Variants in RBFOX1 observed in about 807,000 individuals in gnomAD.
RBFOX1 encodes RNA binding protein fox-1 homolog 1.
A neutral mutation model predicts 57.7 loss-of-function variants in RBFOX1; 8 were observed. That is an observed-to-expected ratio of 0.14 (90% CI 0.08 to 0.25). RBFOX1 has a LOEUF of 0.25. Ranked by LOEUF, RBFOX1 falls within the 10% of genes least tolerant of loss-of-function variation. The pLI, the probability that RBFOX1 is intolerant of heterozygous loss-of-function variation, is 1.00. For synonymous variants in RBFOX1, 326 were observed against 222.4 expected, an observed-to-expected ratio of 1.47 and a Z score of -4.15; for missense variants, 611 against 548.5, an observed-to-expected ratio of 1.11 and a Z score of -1.14.
intron 3 of RBFOX1, among the ~76,000 whole-genome samples, chr16:5,764,320 C>G (rs1052107533): frequency 6.6e-6 from 1 of 152,178 alleles, no homozygotes; most frequent in Non-Finnish European, 1.5e-5. Context: ...TACCAGAGGC[C>G]TTGAGTTTTC....
intron 4 of RBFOX1, among the ~76,000 whole-genome samples, chr16:7,352,314 C>G (rs2097143053): frequency 6.6e-6 from 1 of 152,178 alleles, no homozygotes; most frequent in African/African-American, 2.4e-5. Context: ...TGGCCCTGTC[C>G]TTCCACTCTG....
At chr16:7,054,656 A>G (rs2051479431) in intron 4 of RBFOX1, among the ~76,000 whole-genome samples, 1 of 151,994 alleles carries the variant, frequency 6.6e-6, no homozygotes, top group African/African-American at 2.4e-5. Flanking sequence ...TCTTAGAAAG[A>G]GAGTGGAAGA....
At chr16:7,000,596 C>CTGT (rs2092697032) in intron 3 of RBFOX1, among the ~76,000 whole-genome samples, 1 of 92,596 alleles carries the variant, frequency 1.1e-5, no homozygotes. Context: ...CTTTTTCTTT[C>CTGT]TTTTTTTTTT....
intron 14 of RBFOX1, among the ~76,000 whole-genome samples, chr16:7,701,416 C>T (rs2148158977): frequency 6.6e-6 from 1 of 152,306 alleles, no homozygotes. Context: ...CTCATGGGAG[C>T]ACCAACCCTA....
chr16:6,806,765 CTTTG>C (rs898528401), intron 3 of RBFOX1, among the ~76,000 whole-genome samples: 6 of 121,398 alleles, frequency 4.9e-5, no homozygotes, highest in African/African-American at 1.4e-4. Context: ...TCTATTTTTT[CTTTG>C]TTTCTTTTTC....
intron 5 of RBFOX1, among the ~76,000 whole-genome samples, chr16:7,571,321 C>T (rs956021110): frequency 6.6e-6 from 1 of 152,068 alleles, no homozygotes; most frequent in Non-Finnish European, 1.5e-5. Flanking sequence ...CAGAGGAAAC[C>T]CCAGGAGGGG....
At chr16:7,348,390 T>C (rs1300704851) in intron 4 of RBFOX1, among the ~76,000 whole-genome samples, 1 of 150,982 alleles carries the variant, frequency 6.6e-6, no homozygotes, top group Non-Finnish European at 1.5e-5. Context: ...TGAAATAAAA[T>C]TAATGAATTT....
At chr16:5,527,368 C>T (rs370842188) in intron 2 of RBFOX1, among the ~76,000 whole-genome samples, 5 of 152,326 alleles carry the variant, frequency 3.3e-5, no homozygotes, top group African/African-American at 4.8e-5. Flanking sequence ...ATACAGCGTC[C>T]TCCATGCTGT....
intron 3 of RBFOX1, among the ~76,000 whole-genome samples, chr16:6,786,344 A>C (rs912149447): frequency 1.8e-4 from 28 of 152,148 alleles, no homozygotes; most frequent in Non-Finnish European, 7.3e-5. Flanking sequence ...ATGTACCCCC[A>C]CAATGAGGAG....
intron 14 of RBFOX1, among the ~76,000 whole-genome samples, chr16:7,685,353 C>T (rs2075837596): frequency 6.6e-6 from 1 of 152,148 alleles, no homozygotes; most frequent in South Asian, 2.1e-4. Context: ...GTGACTTCTT[C>T]CCTCTCCTGG....
intron 2 of RBFOX1, among the ~76,000 whole-genome samples, chr16:5,492,130 T>C (rs1408644717): frequency 6.6e-6 from 1 of 152,160 alleles, no homozygotes; most frequent in Non-Finnish European, 1.5e-5. Flanking sequence ...CCTGGGAATC[T>C]GTGTTTCAGC....
chr16:5,306,710 C>A (rs776826003), intron 1 of RBFOX1, among the ~76,000 whole-genome samples: 2 of 152,186 alleles, frequency 1.3e-5, no homozygotes. Context: ...CGAGAGAGCA[C>A]GCCCATGCTG....
At chr16:5,724,588 A>T (rs550154553) in intron 3 of RBFOX1, among the ~76,000 whole-genome samples, 1 of 152,176 alleles carries the variant, frequency 6.6e-6, no homozygotes, top group African/African-American at 2.4e-5. Flanking sequence ...TGGTCTTGTC[A>T]TGAGGTTCAG....
intron 2 of RBFOX1, among the ~76,000 whole-genome samples, chr16:6,324,705 T>C (rs116778855): frequency 0.037 from 5,665 of 152,214 alleles, 346 homozygotes; most frequent in African/African-American, 0.13. Context: ...CCGTTCAACA[T>C]GAGATTTGGG....
At chr16:6,839,965 C>G (rs1278749101) in intron 3 of RBFOX1, among the ~76,000 whole-genome samples, 1 of 151,964 alleles carries the variant, frequency 6.6e-6, no homozygotes, top group Non-Finnish European at 1.5e-5. Context: ...TTCCTGTTTT[C>G]TTTTTAAAAT....
intron 2 of RBFOX1, among the ~76,000 whole-genome samples, chr16:6,590,147 T>C (rs369353076): frequency 2.6e-5 from 4 of 152,212 alleles, no homozygotes; most frequent in East Asian, 1.9e-4. Context: ...ATACTCAGAA[T>C]GGAGTATGGG....
chr16:6,634,197 G>T (rs953127810), intron 2 of RBFOX1, among the ~76,000 whole-genome samples: 1 of 152,108 alleles, frequency 6.6e-6, no homozygotes, highest in Non-Finnish European at 1.5e-5. Flanking sequence ...CAGTAAAGTT[G>T]CCTTCTGTTG....
intron 1 of RBFOX1, among the ~76,000 whole-genome samples, chr16:6,146,874 G>A (rs1023393977): frequency 2.6e-5 from 4 of 152,144 alleles, no homozygotes; most frequent in African/African-American, 9.7e-5. Flanking sequence ...AAAACTGTTA[G>A]TATCTGAGAG....
chr16:6,863,593 G>A (rs1263553842), intron 3 of RBFOX1, among the ~76,000 whole-genome samples: 6 of 147,518 alleles, frequency 4.1e-5, no homozygotes, highest in African/African-American at 7.5e-5. Context: ...GTTCCTGGAC[G>A]CCATTTTTAT....
Sources: allele counts gnomAD v4.1 joint callset (sites outside exome capture counted in the v4.1 genomes callset), GRCh38; gene constraint gnomAD v4.1.1; transcripts MANE v1.5; gene names NCBI Gene and HGNC (gene_info 2026-07-23, HGNC 2026-07-21).